Variants in CD84 observed in about 807,000 individuals in gnomAD.
CD84 encodes CD84 molecule.
A neutral mutation model predicts 33.8 loss-of-function variants in CD84; 22 were observed. That is an observed-to-expected ratio of 0.65 (90% CI 0.46 to 0.93). The LOEUF (loss-of-function observed/expected upper bound fraction) is 0.93. Ranked by LOEUF, CD84 falls within the 40% of genes least tolerant of loss-of-function variation. The probability of loss-of-function intolerance (pLI) is 0.00; values close to 1 mark genes in which losing one functional copy is unlikely to be tolerated. For synonymous variants in CD84, 154 were observed against 145.2 expected (o/e 1.06, Z -0.44); for missense variants, 400 against 397.6 (o/e 1.01, Z -0.05).
intron 1 of CD84, among the ~76,000 whole-genome samples, chr1:160,568,713 C>A (rs1571379625): frequency 6.6e-6 from 1 of 151,962 alleles, no homozygotes; most frequent in Non-Finnish European, 1.5e-5. Flanking sequence ...CTCCACCTCC[C>A]GGGTTCAGGC....
At chr1:160,555,925 A>G (rs762895676) in intron 2 of CD84, among the ~76,000 whole-genome samples, 2 of 152,242 alleles carry the variant, frequency 1.3e-5, no homozygotes, top group Non-Finnish European at 2.9e-5. Context: ...AGAGGGATCT[A>G]TTCCATATTA....
chr1:160,552,355 C>A (rs1656289538), intron 4 of CD84, among the ~76,000 whole-genome samples: 1 of 152,172 alleles, frequency 6.6e-6, no homozygotes, highest in Non-Finnish European at 1.5e-5. Flanking sequence ...ATCCCCTCCC[C>A]CCTAGAATGC....
chr1:160,566,771 G>T (rs6670721), intron 1 of CD84, among the ~76,000 whole-genome samples: 1 of 152,132 alleles, frequency 6.6e-6, no homozygotes, highest in African/African-American at 2.4e-5. Context: ...TGGGAATCGA[G>T]GGAACATTTC....
chr1:160,563,065 G>A (rs915920139), intron 2 of CD84, among the ~76,000 whole-genome samples: 1 of 152,120 alleles, frequency 6.6e-6, no homozygotes, highest in African/African-American at 2.4e-5. Flanking sequence ...CGTCAGAATG[G>A]CAATTATTAA....
At chr1:160,559,551 C>A (rs1656818517) in intron 2 of CD84, among the ~76,000 whole-genome samples, 1 of 152,118 alleles carries the variant, frequency 6.6e-6, no homozygotes, top group African/African-American at 2.4e-5. Flanking sequence ...AGACCAGTGA[C>A]ACTATGAAGC....
intron 1 of CD84, among the ~76,000 whole-genome samples, chr1:160,567,802 T>C (rs1283973038): frequency 6.6e-6 from 1 of 152,140 alleles, no homozygotes; most frequent in Non-Finnish European, 1.5e-5. Context: ...AAACTGTTTT[T>C]CTGGGCTGAC....
chr1:160,578,646 A>G (rs1658118693), intron 1 of CD84, among the ~76,000 whole-genome samples: 1 of 152,206 alleles, frequency 6.6e-6, no homozygotes, highest in Non-Finnish European at 1.5e-5. Flanking sequence ...ATTTAAGGAG[A>G]TAACATGTAC....
At position 160,579,264 on chromosome 1, in the gene CD84, C is replaced by G. The variant is rs146763202; in HGVS notation, c.46+128G>C. ...CCAGCCAGTTGGATCCTGTTGAGTACAGTAGATACTGAGACCCAGGGTGTT... is the reference window on the plus strand; with the variant it reads ...CCAGCCAGTTGGATCCTGTTGAGTAGAGTAGATACTGAGACCCAGGGTGTT... On this transcript the variant is annotated intron_variant, in intron 1 of 6. Transcript: ENST00000368054. The G allele has an allele frequency of 2.2e-3, 2,821 of 1,265,048 alleles. 24 individuals carry two copies. Among genetic ancestry groups the G allele is most frequent in the East Asian group, 0.022 (911 of 41,472 alleles). The allele number at this position is 1,265,048 out of a possible 1,614,324, so 78.4% of individuals were successfully genotyped here. A position where few individuals can be genotyped will look rare whatever the true frequency, so the allele number is the denominator to read the frequency against.
intron 2 of CD84, among the ~76,000 whole-genome samples, chr1:160,558,980 T>C (rs1484606111): frequency 2.6e-5 from 4 of 152,192 alleles, no homozygotes; most frequent in African/African-American, 7.2e-5. Context: ...TATGGAGTTA[T>C]GTATAGAGAC....
chr1:160,550,470 A>T, intron 5 of CD84: 1 of 236,010 alleles, frequency 4.2e-6, no homozygotes, highest in Non-Finnish European at 6.9e-6. Context: ...GGTGTGGAAC[A>T]GTGACTCTGA....
intron 2 of CD84, among the ~76,000 whole-genome samples, chr1:160,561,266 G>A (rs553769315): frequency 6.6e-6 from 1 of 152,236 alleles, no homozygotes; most frequent in Admixed American, 6.5e-5. Flanking sequence ...GAAATCCTCA[G>A]TAAAATGCTG....
chr1:160,573,216 A>G (rs1174576296), intron 1 of CD84, among the ~76,000 whole-genome samples: 1 of 152,212 alleles, frequency 6.6e-6, no homozygotes, highest in African/African-American at 2.4e-5. Flanking sequence ...TTGTTGAGGT[A>G]TGAGGCTTTT....
chr1:160,548,667 G>GT (rs918570361), intron 6 of CD84, among the ~76,000 whole-genome samples: 54 of 152,118 alleles, frequency 3.5e-4, no homozygotes, highest in African/African-American at 1.3e-3. Flanking sequence ...TTGACCCCTA[G>GT]TTTTTTTGTA....
chr1:160,548,396 G>T, intron 6 of CD84, 75 bp from the exon 7 acceptor site: 1 of 1,504,360 alleles, frequency 6.6e-7, no homozygotes, highest in Non-Finnish European at 9.2e-7. Flanking sequence ...CAAGTTCCCA[G>T]AGGAGTTAAG....
chr1:160,555,294 A>G (rs1656531910), intron 2 of CD84, among the ~76,000 whole-genome samples: 1 of 152,190 alleles, frequency 6.6e-6, no homozygotes, highest in Admixed American at 6.6e-5. Context: ...CGTGTTAGCT[A>G]GGATGGTCTC....
intron 1 of CD84, among the ~76,000 whole-genome samples, chr1:160,575,112 G>T (rs1657917386): frequency 1.3e-5 from 2 of 152,070 alleles, no homozygotes; most frequent in East Asian, 1.9e-4. Flanking sequence ...AACATTTCTT[G>T]TTCTTTTTTT....
chr1:160,562,934 T>C lies in CD84; in HGVS notation c.388+2470A>G, dbSNP rs948845025. Among the ~76,000 whole-genome samples, 21 of 151,712 alleles carry C rather than the reference T, an allele frequency of 1.4e-4. 1 individual carries two copies. Among genetic ancestry groups the C allele is most frequent in the Admixed American group, 1.2e-3 (19 of 15,238 alleles). On this transcript the variant is annotated intron_variant, in intron 2 of 6. Transcript: ENST00000368054. ...CCCATTAAAAACTGGGCAAAAACCA[T>C]GAACAGACACTTCTCAAAAGAAGAC...
rs888479607 is a variant in CD84, at chr1:160,541,404, C to T, written c.*6852G>A. On this transcript the variant is annotated 3_prime_UTR_variant, in exon 7 of 7. Coordinates refer to ENST00000368054, the MANE Select transcript of CD84 (RefSeq NM_003874.4). Reference sequence around the variant, plus strand: ...CTCAGACACAAAACACAAAATTAGGCACTCAGACAAAAAGCAACTTATTAG... The same window carrying T: ...CTCAGACACAAAACACAAAATTAGGTACTCAGACAAAAAGCAACTTATTAG... 9 of 152,126 alleles carry T rather than the reference C, an allele frequency of 5.9e-5. No individual in the cohort carries two copies. Among genetic ancestry groups the T allele is most frequent in the African/African-American group, 2.2e-4 (9 of 41,410 alleles). The allele number at this position is 152,126 out of a possible 1,614,324, so 9.4% of individuals were successfully genotyped here. A position where few individuals can be genotyped will look rare whatever the true frequency, so the allele number is the denominator to read the frequency against.
rs140316652 is a variant in CD84 at position 160,579,369 on chromosome 1, G to A, written c.46+23C>T. 2.0e-4 allele frequency: 319 copies of A among 1,612,910 alleles called. No individual in the cohort carries two copies. In the African/African-American group the frequency reaches 3.6e-3, roughly 18 times the overall value. ...AAAACTTTATGGAAAACTAGGAGGC[G>A]ATCAGCAAGGGTCAGAACTCACAGG... On this transcript the variant is annotated intron_variant, in intron 1 of 6. Coordinates refer to ENST00000368054, the MANE Select transcript of CD84 (RefSeq NM_003874.4).
Sources: allele counts gnomAD v4.1 joint callset (sites outside exome capture counted in the v4.1 genomes callset), GRCh38; gene constraint gnomAD v4.1.1; transcripts MANE v1.5; gene names NCBI Gene and HGNC (gene_info 2026-07-23, HGNC 2026-07-21).